Variants in TRAPPC9 observed in about 807,000 individuals in gnomAD.
The protein encoded by TRAPPC9 is IKK2 binding protein.
Under a neutral mutation model 124.0 loss-of-function variants are expected in TRAPPC9, and 83 were observed. That is an observed-to-expected ratio of 0.67 (90% CI 0.56 to 0.80). The LOEUF is 0.80. Ranked by LOEUF, TRAPPC9 falls within the 30% of genes least tolerant of loss-of-function variation. TRAPPC9 has a pLI of 0.00. For missense variants in TRAPPC9, 1,302 were observed against 1,508.3 expected, an observed-to-expected ratio of 0.86 and a Z score of 2.27; for synonymous variants, 638 against 617.5, an observed-to-expected ratio of 1.03 and a Z score of -0.49.
chr8:140,180,620 C>G (rs2062178868), intron 17 of TRAPPC9, among the ~76,000 whole-genome samples: 1 of 149,684 alleles, frequency 6.7e-6, no homozygotes, highest in African/African-American at 2.5e-5. Flanking sequence ...CAGCTTTTGT[C>G]TTTATTTGTA....
chr8:140,349,460 G>T (rs191191033), intron 9 of TRAPPC9, among the ~76,000 whole-genome samples: 5 of 144,438 alleles, frequency 3.5e-5, no homozygotes. Context: ...GGGCACACAG[G>T]GGGGCCGAAG....
chr8:139,777,983 C>T (rs537599733), intron 21 of TRAPPC9, among the ~76,000 whole-genome samples: 2 of 151,490 alleles, frequency 1.3e-5, no homozygotes, highest in South Asian at 2.1e-4. Context: ...CTGCAGCTGA[C>T]GGGGAAGGAA....
chr8:139,807,156 A>G (rs1159798449), intron 21 of TRAPPC9, among the ~76,000 whole-genome samples: 1 of 152,238 alleles, frequency 6.6e-6, no homozygotes, highest in Non-Finnish European at 1.5e-5. Flanking sequence ...AGGGATTTCC[A>G]GCGCAGAGAG....
chr8:140,151,242 G>C (rs2061539158), intron 17 of TRAPPC9, among the ~76,000 whole-genome samples: 1 of 152,196 alleles, frequency 6.6e-6, no homozygotes, highest in African/African-American at 2.4e-5. Context: ...CTAGGCAGCA[G>C]CTGTAATCTC....
intron 10 of TRAPPC9, among the ~76,000 whole-genome samples, chr8:140,303,463 T>G (rs993295111): frequency 6.6e-6 from 1 of 152,262 alleles, no homozygotes; most frequent in Non-Finnish European, 1.5e-5. Flanking sequence ...CACTGTATCA[T>G]TTTTGCAGAG....
intron 21 of TRAPPC9, among the ~76,000 whole-genome samples, chr8:139,790,135 A>G (rs1418038924): frequency 2.0e-5 from 3 of 152,218 alleles, no homozygotes; most frequent in Non-Finnish European, 2.9e-5. Flanking sequence ...GGACACACAC[A>G]CGGGCAAGGA....
chr8:140,234,784 C>G (rs2063691769), intron 16 of TRAPPC9, among the ~76,000 whole-genome samples: 1 of 152,188 alleles, frequency 6.6e-6, no homozygotes, highest in Non-Finnish European at 1.5e-5. Context: ...ATGTGCCACA[C>G]AATACTACAC....
In TRAPPC9 at chr8:139,949,584, T is replaced by C. The variant is rs529133909; in HGVS notation, c.2810+39142A>G. 7.7e-4 allele frequency among the ~76,000 whole-genome samples: 117 copies of C among 152,358 alleles called. 1 individual carries two copies. The highest frequency in any genetic ancestry group is 1.2e-3 in the South Asian group (6 of 4,832). On this transcript the variant is annotated intron_variant, in intron 19 of 22. Transcript: ENST00000438773. ...GCAGTAAAAAGGAAGGAAGTATTGATACATACTTCAACATGAATAGACCCT... is the reference window on the plus strand; with the variant it reads ...GCAGTAAAAAGGAAGGAAGTATTGACACATACTTCAACATGAATAGACCCT...
intron 9 of TRAPPC9, among the ~76,000 whole-genome samples, chr8:140,319,310 G>A (rs2066528557): frequency 6.6e-6 from 1 of 151,152 alleles, no homozygotes; most frequent in Non-Finnish European, 1.5e-5. Context: ...CGAGTAGCTG[G>A]GACTACGGGC....
intron 16 of TRAPPC9, among the ~76,000 whole-genome samples, chr8:140,249,975 A>G (rs541260633): frequency 1.3e-5 from 2 of 152,188 alleles, no homozygotes; most frequent in South Asian, 2.1e-4. Flanking sequence ...TACAATTTCA[A>G]TTTCATTATC....
At chr8:140,113,933 G>A (rs1340867765) in intron 17 of TRAPPC9, among the ~76,000 whole-genome samples, 1 of 152,188 alleles carries the variant, frequency 6.6e-6, no homozygotes, top group Admixed American at 6.5e-5. Context: ...CACTCGATCG[G>A]AAAGTCAGGC....
chr8:140,334,021 T>A lies in TRAPPC9; in HGVS notation c.1496-22647A>T, dbSNP rs1406067453. On this transcript the variant is annotated intron_variant, in intron 9 of 22. Coordinates refer to ENST00000438773, the MANE Select transcript of TRAPPC9 (RefSeq NM_001160372.4). Reference sequence around the variant, plus strand: ...GATTCCCAAAACCTTACCAAAAAAGTGCCATTGTTTACAGATGAGAGAAAT... The same window carrying A: ...GATTCCCAAAACCTTACCAAAAAAGAGCCATTGTTTACAGATGAGAGAAAT... Among the ~76,000 whole-genome samples, 13 of 152,322 alleles carry A rather than the reference T, an allele frequency of 8.5e-5. No individual in the cohort carries two copies. The East Asian group carries it at 2.5e-3, about 29-fold the overall frequency.
intron 20 of TRAPPC9, among the ~76,000 whole-genome samples, chr8:139,894,544 G>A (rs747462430): frequency 6.6e-6 from 1 of 152,158 alleles, no homozygotes; most frequent in Non-Finnish European, 1.5e-5. Flanking sequence ...GGGAACTGGA[G>A]TGCCTGCAGC....
At chr8:140,408,257 GA>G (rs1297288079) in intron 5 of TRAPPC9, among the ~76,000 whole-genome samples, 8 of 152,072 alleles carry the variant, frequency 5.3e-5, no homozygotes, top group African/African-American at 1.7e-4. Context: ...GAGAGACAAA[GA>G]AAGAGCATGG....
chr8:140,351,956 A>AT (rs2067594426), intron 9 of TRAPPC9, among the ~76,000 whole-genome samples: 1 of 152,216 alleles, frequency 6.6e-6, no homozygotes, highest in Non-Finnish European at 1.5e-5. Context: ...GTTGTGCAAC[A>AT]ACCACCACAA....
At chr8:139,946,396 C>T (rs986112389) in intron 19 of TRAPPC9, among the ~76,000 whole-genome samples, 1 of 152,188 alleles carries the variant, frequency 6.6e-6, no homozygotes, top group African/African-American at 2.4e-5. Flanking sequence ...TAGAAGCCCT[C>T]GTCAATGGCT....
intron 17 of TRAPPC9, among the ~76,000 whole-genome samples, chr8:140,219,497 T>C (rs552179024): frequency 6.6e-6 from 1 of 152,286 alleles, no homozygotes; most frequent in South Asian, 2.1e-4. Flanking sequence ...AGTTAATTCA[T>C]CAAAGAATGC....
chr8:139,823,217 G>A (rs998269989), intron 21 of TRAPPC9, among the ~76,000 whole-genome samples: 2 of 152,146 alleles, frequency 1.3e-5, no homozygotes, highest in Non-Finnish European at 2.9e-5. Context: ...CCAGAGGCGC[G>A]AGGTGGGAGG....
At chr8:140,442,584 C>T (rs1180502701) in intron 2 of TRAPPC9, among the ~76,000 whole-genome samples, 3 of 138,256 alleles carry the variant, frequency 2.2e-5, no homozygotes, top group Admixed American at 7.5e-5. Flanking sequence ...GTCGACAGAG[C>T]GAGCCTCTGT....
Sources: gnomAD v4.1 joint callset for allele counts (sites outside exome capture counted in the v4.1 genomes callset) on GRCh38, gnomAD v4.1.1 for gene constraint, MANE v1.5 for transcripts, NCBI Gene and HGNC (gene_info 2026-07-23, HGNC 2026-07-21) for gene names.